The following FOXP1 variants were observed in gnomAD, a reference collection of about 807,000 sequenced individuals.
FOXP1 encodes forkhead box protein P1.
Under a neutral mutation model 98.2 loss-of-function variants are expected in FOXP1, and 15 were observed. The observed-to-expected ratio is 0.15, with a 90% CI of 0.10 to 0.24. FOXP1 has a LOEUF of 0.24. Ranked by LOEUF, FOXP1 falls within the 10% of genes least tolerant of loss-of-function variation. The pLI is 1.00. For missense variants in FOXP1, 633 were observed against 848.5 expected, an observed-to-expected ratio of 0.75 and a Z score of 3.15; for synonymous variants, 371 against 314.5, an observed-to-expected ratio of 1.18 and a Z score of -1.90.
At chr3:71,503,225 G>C (rs1416888796) in intron 2 of FOXP1, among the ~76,000 whole-genome samples, 1 of 152,122 alleles carries the variant, frequency 6.6e-6, no homozygotes, top group Non-Finnish European at 1.5e-5. Flanking sequence ...TTTCTAGAGA[G>C]TTCTCTTGGT....
intron 13 of FOXP1, among the ~76,000 whole-genome samples, chr3:70,993,370 A>G (rs2040901218): frequency 6.6e-6 from 1 of 152,180 alleles, no homozygotes; most frequent in Non-Finnish European, 1.5e-5. Flanking sequence ...GTTCCTGCGT[A>G]GAGCCCAGCT....
chr3:71,219,469 C>T (rs1172593751), intron 5 of FOXP1, among the ~76,000 whole-genome samples: 1 of 152,154 alleles, frequency 6.6e-6, no homozygotes, highest in Non-Finnish European at 1.5e-5. Context: ...ATTCAGTCAT[C>T]AGAAAATGTT....
At chr3:71,083,437 C>A (rs570942343) in intron 7 of FOXP1, among the ~76,000 whole-genome samples, 1 of 152,200 alleles carries the variant, frequency 6.6e-6, no homozygotes, top group Non-Finnish European at 1.5e-5. Flanking sequence ...ACAGGTATTT[C>A]TTTATAGTGA....
chr3:71,281,155 G>A (rs1458162301), intron 5 of FOXP1, among the ~76,000 whole-genome samples: 1 of 151,664 alleles, frequency 6.6e-6, no homozygotes, highest in African/African-American at 2.4e-5. Context: ...CCTGAGCCCA[G>A]GGAGTTCAAG....
Position 71,020,411 on chromosome 3 carries a change from T to C in FOXP1, c.870-4758A>G, listed in dbSNP as rs1031562985. 2.0e-5 allele frequency among the ~76,000 whole-genome samples: 3 copies of C among 152,322 alleles called. No individual in the cohort carries two copies. The East Asian group carries it at 5.8e-4, about 29-fold the overall frequency. ...TTCACTTCAACACTGACCTTAGTTTTTGAGACAATTTTATATAATGGTTAT... is the reference window on the plus strand; with the variant it reads ...TTCACTTCAACACTGACCTTAGTTTCTGAGACAATTTTATATAATGGTTAT... On this transcript the variant is annotated intron_variant, in intron 11 of 20. Coordinates refer to ENST00000649528, the MANE Select transcript of FOXP1 (RefSeq NM_001349338.3).
chr3:71,096,938 A>G (rs1040893780), intron 7 of FOXP1, among the ~76,000 whole-genome samples: 3 of 152,164 alleles, frequency 2.0e-5, no homozygotes, highest in Non-Finnish European at 1.5e-5. Flanking sequence ...AACTAACACA[A>G]TGAAAAGGAA....
chr3:70,985,147 A>G (rs917990867), intron 14 of FOXP1, among the ~76,000 whole-genome samples: 2 of 152,260 alleles, frequency 1.3e-5, no homozygotes, highest in African/African-American at 4.8e-5. Context: ...CTTACTGGCA[A>G]GGTTGTAACA....
chr3:71,122,849 G>C (rs2058876859), intron 6 of FOXP1, among the ~76,000 whole-genome samples: 1 of 152,154 alleles, frequency 6.6e-6, no homozygotes, highest in Admixed American at 6.5e-5. Flanking sequence ...ACTGTATCAA[G>C]GTCACTGATT....
chr3:71,198,530 C>A (rs1276837689), intron 5 of FOXP1, 138 bp from the exon 6 acceptor site: 2 of 765,840 alleles, frequency 2.6e-6, no homozygotes, highest in Non-Finnish European at 4.4e-6. Flanking sequence ...CATTTTCTTT[C>A]ACTCAACTTA....
At position 71,241,135 on chromosome 3, in the gene FOXP1, G is replaced by T. The variant is rs191406766; in HGVS notation, c.-11-42743C>A. ...TGAGGCAGGAGACTAGCTTGAACCC[G>T]GGAGGCGGAGCTTGCAGTGAGTCGA... On this transcript the variant is annotated intron_variant, in intron 5 of 20. Transcript: ENST00000649528. Among the ~76,000 whole-genome samples, 746 of 151,742 alleles carry T rather than the reference G, an allele frequency of 4.9e-3. 7 individuals are homozygous for T. Among genetic ancestry groups the T allele is most frequent in the African/African-American group, 0.018 (726 of 41,416 alleles).
intron 11 of FOXP1, among the ~76,000 whole-genome samples, chr3:71,028,095 G>C (rs1348600994): frequency 1.3e-5 from 2 of 152,088 alleles, no homozygotes; most frequent in African/African-American, 4.8e-5. Context: ...AAAAAATCTA[G>C]GAAGACAAAA....
At chr3:71,240,281 AG>A (rs1352647737) in intron 5 of FOXP1, among the ~76,000 whole-genome samples, 15 of 152,192 alleles carry the variant, frequency 9.9e-5, no homozygotes, top group African/African-American at 3.6e-4. Flanking sequence ...GATGTAGAAG[AG>A]TTTAGTGATG....
At chr3:71,582,877 G>C (rs867888596) in intron 1 of FOXP1, 1 of 924,356 alleles carries the variant, frequency 1.1e-6, no homozygotes, top group Middle Eastern at 5.5e-4. Context: ...CGTGGCAGCG[G>C]GGAAGTTCCC....
At chr3:71,286,004 C>T (rs2107458807) in intron 5 of FOXP1, among the ~76,000 whole-genome samples, 1 of 152,250 alleles carries the variant, frequency 6.6e-6, no homozygotes, top group African/African-American at 2.4e-5. Context: ...GCTACTGTGC[C>T]AACATAAGAG....
intron 2 of FOXP1, among the ~76,000 whole-genome samples, chr3:71,546,304 C>G (rs964888389): frequency 6.6e-6 from 1 of 152,158 alleles, no homozygotes; most frequent in Non-Finnish European, 1.5e-5. Context: ...AGTTAACATT[C>G]ACGAAATACA....
chr3:71,527,362 T>A (rs528519754), intron 2 of FOXP1, among the ~76,000 whole-genome samples: 98 of 152,324 alleles, frequency 6.4e-4, no homozygotes, highest in African/African-American at 2.1e-3. Flanking sequence ...GCCTTCCAGA[T>A]GCTCACTCTC....
intron 3 of FOXP1, among the ~76,000 whole-genome samples, chr3:71,417,534 T>C (rs894577018): frequency 6.9e-6 from 1 of 144,336 alleles, no homozygotes; most frequent in African/African-American, 2.6e-5. Context: ...TCAGAACTTA[T>C]CTTTCTAAAA....
intron 4 of FOXP1, among the ~76,000 whole-genome samples, chr3:71,313,395 A>T (rs1576921688): frequency 6.6e-6 from 1 of 152,036 alleles, no homozygotes; most frequent in East Asian, 1.9e-4. Context: ...ACAGGCTGCA[A>T]GTGATTGTTA....
intron 6 of FOXP1, among the ~76,000 whole-genome samples, chr3:71,138,288 A>T (rs1327448334): frequency 2.0e-5 from 3 of 152,206 alleles, no homozygotes; most frequent in African/African-American, 7.2e-5. Flanking sequence ...CACTTCCAAC[A>T]TCCTTTATAA....
Sources: allele counts gnomAD v4.1 joint callset (sites outside exome capture counted in the v4.1 genomes callset), GRCh38; gene constraint gnomAD v4.1.1; transcripts MANE v1.5; gene names NCBI Gene and HGNC (gene_info 2026-07-23, HGNC 2026-07-21).